Variants in TEK observed in about 807,000 individuals in gnomAD.
TEK encodes TEK receptor tyrosine kinase.
In TEK, 43 loss-of-function variants were observed where a neutral mutation model predicts 131.8. The ratio of observed to expected loss-of-function variants is 0.33; its 90% CI spans 0.26 to 0.42. TEK has a LOEUF of 0.42. Ranked by LOEUF, TEK falls within the 10% of genes least tolerant of loss-of-function variation. The pLI is 1.00. For missense variants in TEK, 1,162 were observed against 1,384.4 expected (o/e 0.84, Z 2.55); for synonymous variants, 580 against 491.6 (o/e 1.18, Z -2.38).
At chr9:27,117,912 G>A (rs903976067) in intron 1 of TEK, among the ~76,000 whole-genome samples, 2 of 152,108 alleles carry the variant, frequency 1.3e-5, no homozygotes, top group Non-Finnish European at 1.5e-5. Context: ...GACAATGCTC[G>A]GCCACTTTCC....
Position 27,220,564 on chromosome 9 carries a change from C to T in TEK, c.3200+419C>T, listed in dbSNP as rs544691199. On this transcript the variant is annotated intron_variant, in intron 21 of 22. Coordinates refer to ENST00000380036, the MANE Select transcript of TEK (RefSeq NM_000459.5). ...AGTGTGCAACTCCCAGTGAGATCAA[C>T]GCAGAAGGCAAGTGATTTCTGCATT... Among the ~76,000 whole-genome samples the T allele has an allele frequency of 2.0e-4, 30 of 152,298 alleles. No homozygotes were observed. In the South Asian group the frequency reaches 4.4e-3, roughly 22 times the overall value.
At chr9:27,214,666 T>G (rs1006950651) in intron 18 of TEK, among the ~76,000 whole-genome samples, 2 of 152,210 alleles carry the variant, frequency 1.3e-5, no homozygotes, top group African/African-American at 4.8e-5. Flanking sequence ...TCATTTTGGC[T>G]TATTGCCTTT....
chr9:27,162,806 C>T (rs1436182497), intron 2 of TEK, among the ~76,000 whole-genome samples: 1 of 152,072 alleles, frequency 6.6e-6, no homozygotes, highest in Non-Finnish European at 1.5e-5. Context: ...ACCTCTGCCT[C>T]CTGGGTTCAA....
chr9:27,139,274 T>G (rs1249431798), intron 1 of TEK, among the ~76,000 whole-genome samples: 1 of 150,938 alleles, frequency 6.6e-6, no homozygotes, highest in African/African-American at 2.4e-5. Flanking sequence ...CTTTTTACTT[T>G]TGATTTTTTT....
chr9:27,152,589 A>G (rs1823167492), intron 1 of TEK, among the ~76,000 whole-genome samples: 2 of 113,842 alleles, frequency 1.8e-5, no homozygotes, highest in East Asian at 2.2e-4. Context: ...TCTTATATGA[A>G]GCCCCCCCGC....
chr9:27,157,949 A>G lies in TEK; in HGVS notation c.171A>G (p.Ile57Met). Residue 57 changes from isoleucine to methionine, a missense_variant, in exon 2 of 23, where the codon ATA becomes ATG. By Grantham distance (10) the Ile-to-Met change is conservative. Around this residue, in one of 6 missense-constraint regions of TEK, gnomAD observed 436 missense variants for 539.1 expected, o/e 0.81. Coordinates refer to ENST00000380036, the MANE Select transcript of TEK (RefSeq NM_000459.5). ...SGWRPHEPIT[I>M]GRDFEALMNQ... ...GGCGCCCCCATGAGCCCATCACCAT[A>G]GGAAGGGACTTTGAAGCCTTAATGA... The G allele has an allele frequency of 6.2e-7, 1 of 1,614,084 alleles. No individual in the cohort carries two copies. Among genetic ancestry groups the G allele is most frequent in the Non-Finnish European group, 8.5e-7 (1 of 1,180,010 alleles).
At chr9:27,177,675 G>C (rs1824220597) in intron 6 of TEK, among the ~76,000 whole-genome samples, 1 of 152,170 alleles carries the variant, frequency 6.6e-6, no homozygotes, top group African/African-American at 2.4e-5. Flanking sequence ...GCTTGAACCA[G>C]GGAGGTGGAG....
In TEK at chr9:27,178,052, A is replaced by G. The variant is rs115736504; in HGVS notation, c.902-2188A>G. 3.8e-3 allele frequency among the ~76,000 whole-genome samples: 573 copies of G among 152,234 alleles called. 2 individuals carry two copies. Among genetic ancestry groups the G allele is most frequent in the African/African-American group, 0.013 (558 of 41,542 alleles). ...AAAATCATTGCCCGGATCAGTATCA[A>G]GAAGCTTTTCCCGTCTGTTTTCTTC... is the stretch of plus-strand genomic sequence containing the variant. On this transcript the variant is annotated intron_variant, in intron 6 of 22. Transcript: ENST00000380036.
chr9:27,200,275 G>A (rs1212769594), intron 12 of TEK, among the ~76,000 whole-genome samples: 1 of 152,160 alleles, frequency 6.6e-6, no homozygotes, highest in East Asian at 1.9e-4. Flanking sequence ...ACTATGGGAT[G>A]AATCACTATT....
At chr9:27,172,815 A>G in intron 5 of TEK, 68 bp downstream of exon 5, 1 of 1,594,610 alleles carries the variant, frequency 6.3e-7, no homozygotes, top group South Asian at 1.1e-5. Flanking sequence ...CTAGAATTTT[A>G]GATCTCGACA....
intron 1 of TEK, among the ~76,000 whole-genome samples, chr9:27,147,879 G>A (rs1822984291): frequency 6.6e-6 from 1 of 152,198 alleles, no homozygotes; most frequent in South Asian, 2.1e-4. Flanking sequence ...GTGTAATATA[G>A]TTTAATTGTT....
At chr9:27,115,953 A>G (rs1205574694) in intron 1 of TEK, among the ~76,000 whole-genome samples, 1 of 152,188 alleles carries the variant, frequency 6.6e-6, no homozygotes, top group Non-Finnish European at 1.5e-5. Flanking sequence ...CTATCATGTC[A>G]TATATCAGAT....
chr9:27,134,256 T>TCCAA (rs1822332943), intron 1 of TEK, among the ~76,000 whole-genome samples: 1 of 152,220 alleles, frequency 6.6e-6, no homozygotes, highest in East Asian at 1.9e-4. Flanking sequence ...TAACATTGTA[T>TCCAA]GTACTTGGAT....
chr9:27,183,376 T>C, intron 7 of TEK, 83 bp from the exon 8 acceptor site: 1 of 1,481,146 alleles, frequency 6.8e-7, no homozygotes. Context: ...GTGCATGACT[T>C]ACTAAAGTAG....
At chr9:27,114,670 T>C (rs895028425) in intron 1 of TEK, among the ~76,000 whole-genome samples, 1 of 152,232 alleles carries the variant, frequency 6.6e-6, no homozygotes, top group African/African-American at 2.4e-5. Context: ...TTATATATCT[T>C]GTAAATGATA....
intron 15 of TEK, among the ~76,000 whole-genome samples, chr9:27,208,421 C>A (rs1825481135): frequency 6.6e-6 from 1 of 152,160 alleles, no homozygotes; most frequent in Admixed American, 6.5e-5. Context: ...AACCAATAGC[C>A]TTCTCTTCAT....
intron 9 of TEK, among the ~76,000 whole-genome samples, chr9:27,187,289 T>C (rs1056517656): frequency 6.6e-6 from 1 of 152,226 alleles, no homozygotes; most frequent in Non-Finnish European, 1.5e-5. Flanking sequence ...TTAGGGAATT[T>C]AATCAATTTA....
Position 27,212,997 on chromosome 9 carries a change from C to A in TEK, c.2877+100C>A, listed in dbSNP as rs947246971. ...GGGTCTGTCAACCTCTCTTCTTTAA[C>A]TCCTTCTTAAAATCTCCCTCATTTT... On this transcript the variant is annotated intron_variant, in intron 17 of 22. Transcript: ENST00000380036. 4 of 1,295,364 alleles carry A rather than the reference C, an allele frequency of 3.1e-6. No individual in the cohort carries two copies. In the African/African-American group the frequency reaches 4.4e-5, roughly 14 times the overall value. 80.2% of individuals were successfully genotyped at this position (1,295,364 alleles called of 1,614,324 possible).
chr9:27,211,542 T>A (rs12236499), intron 16 of TEK, among the ~76,000 whole-genome samples: 39,773 of 146,812 alleles, frequency 0.27, 5,454 homozygotes, highest in Admixed American at 0.34. Flanking sequence ...AACCTCCCCA[T>A]CCCTGGGCTC....
Sources: gnomAD v4.1 joint callset for allele counts (sites outside exome capture counted in the v4.1 genomes callset) on GRCh38, gnomAD v4.1.1 for gene constraint, gnomAD v4.1.1 regional missense constraint, MANE v1.5 for transcripts, NCBI Gene and HGNC (gene_info 2026-07-23, HGNC 2026-07-21) for gene names.